PCDHA10: variants seen among roughly 807,000 people sequenced by gnomAD.
PCDHA10 encodes the protein protocadherin alpha 10.
A neutral mutation model predicts 61.2 loss-of-function variants in PCDHA10; 45 were observed. The ratio of observed to expected loss-of-function variants is 0.74; its 90% CI spans 0.58 to 0.94. The LOEUF (loss-of-function observed/expected upper bound fraction) is 0.94. Among genes scored for constraint, PCDHA10 ranks in the 40% least tolerant of loss-of-function variants. The pLI is 0.00. For missense variants in PCDHA10, 1,278 were observed against 1,236.2 expected, an observed-to-expected ratio of 1.03 and a Z score of -0.51; for synonymous variants, 602 against 548.8, an observed-to-expected ratio of 1.10 and a Z score of -1.35.
At chr5:140,911,845 A>G (rs1184698013) in intron 1 of PCDHA10, among the ~76,000 whole-genome samples, 2 of 152,216 alleles carry the variant, frequency 1.3e-5, no homozygotes, top group Non-Finnish European at 2.9e-5. Context: ...AAAGAACTCC[A>G]TCCTTAATAG....
intron 1 of PCDHA10, among the ~76,000 whole-genome samples, chr5:140,898,748 G>A (rs1397892217): frequency 1.1e-4 from 16 of 152,222 alleles, no homozygotes; most frequent in African/African-American, 3.9e-4. Context: ...TAGCTTGATG[G>A]GGATGGCATT....
chr5:140,969,037 C>T (rs1554231375), intron 1 of PCDHA10: 1 of 1,614,158 alleles, frequency 6.2e-7, no homozygotes, highest in South Asian at 1.1e-5. Flanking sequence ...CAGAACTGTA[C>T]AAACAAGCCA....
chr5:140,972,235 G>A (rs1368131761), intron 1 of PCDHA10, among the ~76,000 whole-genome samples: 2 of 151,838 alleles, frequency 1.3e-5, no homozygotes, highest in African/African-American at 4.8e-5. Context: ...GACCTTCTGG[G>A]CTCAAGCAAT....
intron 3 of PCDHA10, 111 bp downstream of exon 3, chr5:140,982,674 A>G (rs1399250735): frequency 3.4e-6 from 5 of 1,450,700 alleles, no homozygotes; most frequent in Admixed American, 2.7e-5. Context: ...TATTTTTGTT[A>G]TTCCCTTTTT....
At chr5:140,876,324 T>A in intron 1 of PCDHA10, 1 of 1,614,000 alleles carries the variant, frequency 6.2e-7, no homozygotes, top group Non-Finnish European at 8.5e-7. Context: ...TCAAAATGAT[T>A]TTGCCAGTGA....
intron 3 of PCDHA10, among the ~76,000 whole-genome samples, chr5:141,005,795 C>G (rs2098239997): frequency 8.0e-6 from 1 of 124,778 alleles, no homozygotes; most frequent in Admixed American, 8.1e-5. Context: ...GAGGCAAAAA[C>G]AACTCCAAGG....
chr5:140,967,364 C>T, intron 1 of PCDHA10: 2 of 1,607,620 alleles, frequency 1.2e-6, no homozygotes, highest in Non-Finnish European at 1.7e-6. Flanking sequence ...CCTTAAGCCC[C>T]TGCAGGAGAA....
intron 1 of PCDHA10, among the ~76,000 whole-genome samples, chr5:140,902,203 C>CTTTTTTTTTTTTT (rs148688132): frequency 8.0e-6 from 1 of 124,460 alleles, no homozygotes; most frequent in African/African-American, 3.1e-5. Context: ...CTCTCTCTTT[C>CTTTTTTTTTTTTT]TTTTTTTTTT....
intron 1 of PCDHA10, among the ~76,000 whole-genome samples, chr5:140,907,117 T>G (rs2073177882): frequency 6.6e-6 from 1 of 152,156 alleles, no homozygotes; most frequent in Non-Finnish European, 1.5e-5. Context: ...ACCCCTTGAT[T>G]CCTGGACCTG....
chr5:140,859,790 A>C (rs1023981970), intron 1 of PCDHA10: 1 of 152,502 alleles, frequency 6.6e-6, no homozygotes, highest in Non-Finnish European at 1.5e-5. Context: ...AGCTCTTAGA[A>C]ATTATAGATG....
intron 1 of PCDHA10, chr5:140,876,762 G>A (rs1554168889): frequency 3.7e-6 from 6 of 1,614,252 alleles, no homozygotes; most frequent in Non-Finnish European, 5.1e-6. Flanking sequence ...CGCGGGATGG[G>A]GGCTCGCCTT....
Position 140,857,165 on chromosome 5 carries a change from G to A in PCDHA10, c.1117G>A (p.Val373Ile), listed in dbSNP as rs1554149609. Residue 373 changes from valine to isoleucine, a missense_variant, in exon 1 of 4, where the codon GTT (valine) becomes ATT (isoleucine). By Grantham distance (29) the Val-to-Ile change is conservative. Transcript: ENST00000307360. ...GGGCACCGTCATTGCCCTAATCAGC[G>A]TTTCTGACCATGATTCAGGAGCCAA... Reference protein sequence around the residue: ...QVGTVIALISVSDHDSGANGQ... With the variant: ...QVGTVIALISISDHDSGANGQ... The A allele has an allele frequency of 1.3e-6, 2 of 1,598,302 alleles. No individual in the cohort carries two copies. The highest frequency in any genetic ancestry group is 2.7e-5 in the African/African-American group (2 of 74,216).
At chr5:140,905,292 G>T (rs1394409672) in intron 1 of PCDHA10, among the ~76,000 whole-genome samples, 1 of 152,114 alleles carries the variant, frequency 6.6e-6, no homozygotes, top group African/African-American at 2.4e-5. Flanking sequence ...CTTGAATAAG[G>T]TGTCCTTTCC....
At chr5:140,976,691 C>G (rs1219355793) in intron 1 of PCDHA10, among the ~76,000 whole-genome samples, 1 of 152,126 alleles carries the variant, frequency 6.6e-6, no homozygotes. Context: ...AATTTAAGTA[C>G]AATAATGTTG....
chr5:140,924,766 G>A (rs543178519), intron 1 of PCDHA10, among the ~76,000 whole-genome samples: 1 of 151,878 alleles, frequency 6.6e-6, no homozygotes, highest in East Asian at 1.9e-4. Context: ...ATGGTGGTGC[G>A]CGCTTGTAGT....
At chr5:140,875,339 T>C in intron 1 of PCDHA10, 2 of 1,441,270 alleles carry the variant, frequency 1.4e-6, no homozygotes, top group Non-Finnish European at 1.8e-6. Flanking sequence ...TAGGATCGAC[T>C]CCATAATGAC....
chr5:141,000,839 C>G (rs1194048512), intron 3 of PCDHA10, among the ~76,000 whole-genome samples: 1 of 151,970 alleles, frequency 6.6e-6, no homozygotes, highest in Admixed American at 6.6e-5. Flanking sequence ...TCCAGGAGAT[C>G]CAGTCTGGCA....
chr5:140,941,191 T>TTTTTTTTC (rs1554213809), intron 1 of PCDHA10, among the ~76,000 whole-genome samples: 21 of 93,258 alleles, frequency 2.3e-4, no homozygotes, highest in African/African-American at 5.9e-4. Flanking sequence ...GCTTCTTTTT[T>TTTTTTTTC]TTTCTTTCTT....
chr5:141,008,284 GC>G (rs2098367825), intron 3 of PCDHA10, among the ~76,000 whole-genome samples: 1 of 152,150 alleles, frequency 6.6e-6, no homozygotes, highest in Admixed American at 6.5e-5. Context: ...AATTGAAATA[GC>G]AGTTGTACCC....
Sources: allele counts gnomAD v4.1 joint callset (sites outside exome capture counted in the v4.1 genomes callset), GRCh38; gene constraint gnomAD v4.1.1; transcripts MANE v1.5; gene names NCBI Gene and HGNC (gene_info 2026-07-23, HGNC 2026-07-21).